The following GABARAPL1 variants were observed in gnomAD, a reference collection of about 807,000 sequenced individuals.
GABARAPL1 encodes gamma-aminobutyric acid receptor-associated protein-like 1.
A neutral mutation model predicts 14.5 loss-of-function variants in GABARAPL1; 4 were observed. The ratio of observed to expected loss-of-function variants is 0.28; its 90% CI spans 0.14 to 0.63. The LOEUF (loss-of-function observed/expected upper bound fraction) is 0.63. Ranked by LOEUF, GABARAPL1 falls within the 30% of genes least tolerant of loss-of-function variation. GABARAPL1 has a pLI of 0.84. For synonymous variants in GABARAPL1, 47 were observed against 50.6 expected, an observed-to-expected ratio of 0.93 and a Z score of 0.30; for missense variants, 82 against 139.2, an observed-to-expected ratio of 0.59 and a Z score of 2.07.
intron 1 of GABARAPL1, among the ~76,000 whole-genome samples, chr12:10,217,655 T>G (rs925031033): frequency 2.0e-5 from 3 of 152,070 alleles, no homozygotes; most frequent in Non-Finnish European, 4.4e-5. Flanking sequence ...ATTGCTTGAA[T>G]CCGGGAGGTG....
At chr12:10,217,830 T>C (rs1949098847) in intron 1 of GABARAPL1, among the ~76,000 whole-genome samples, 1 of 152,196 alleles carries the variant, frequency 6.6e-6, no homozygotes, top group Non-Finnish European at 1.5e-5. Context: ...CTTTTTACTT[T>C]TCATCATATA....
At chr12:10,220,971 G>C in intron 3 of GABARAPL1, 6 of 1,250,310 alleles carry the variant, frequency 4.8e-6, no homozygotes, top group Non-Finnish European at 6.0e-6. Flanking sequence ...GCAACAGATT[G>C]AGAAAGCACG....
At position 10,222,026 on chromosome 12, in the gene GABARAPL1, T is replaced by C. The variant is rs1949122671; in HGVS notation, c.*174T>C. ...ACATTTTCACATGCTCAATTGATAT[T>C]TTTTGCTGCTTCCTCGGCCCAGGGA... On this transcript the variant is annotated 3_prime_UTR_variant, in exon 4 of 4. Transcript: ENST00000266458. 2 of 626,566 alleles carry C rather than the reference T, an allele frequency of 3.2e-6. No individual in the cohort carries two copies. 38.8% of individuals were successfully genotyped at this position (626,566 alleles called of 1,614,324 possible).
rs1433629816 is a variant in GABARAPL1 at position 10,221,867 on chromosome 12, A to G, written c.*15A>G. 6.2e-7 allele frequency: 1 copy of G among 1,612,868 alleles called. No homozygotes were observed. Among genetic ancestry groups the G allele is most frequent in the South Asian group, 1.1e-5 (1 of 91,068 alleles). On this transcript the variant is annotated 3_prime_UTR_variant, in exon 4 of 4. Transcript: ENST00000266458. ...ATGGGAAATGAGTGGTTGGAAGCCC[A>G]GCAGATGGGAGCACCTGGACTTGGG...
intron 3 of GABARAPL1, 21 bp downstream of exon 3, chr12:10,220,579 A>G (rs753887010): frequency 5.0e-6 from 8 of 1,614,022 alleles, no homozygotes; most frequent in South Asian, 1.1e-5. Context: ...TGGTTGCACA[A>G]TACTGGATGC....
chr12:10,213,331 C>G (rs1464780089), intron 1 of GABARAPL1, 112 bp downstream of exon 1: 9 of 726,466 alleles, frequency 1.2e-5, no homozygotes, highest in Admixed American at 6.0e-5. Flanking sequence ...AGGGAGGTTC[C>G]GAGAATTACT....
At chr12:10,220,786 A>G (rs768480087) in intron 3 of GABARAPL1, 22 of 1,470,902 alleles carry the variant, frequency 1.5e-5, no homozygotes, top group Admixed American at 1.1e-4. Context: ...TTGTCTGACT[A>G]TAGTCTTGTC....
intron 1 of GABARAPL1, among the ~76,000 whole-genome samples, chr12:10,215,575 C>A (rs1329014102): frequency 6.6e-6 from 1 of 152,032 alleles, no homozygotes; most frequent in Non-Finnish European, 1.5e-5. Flanking sequence ...ACTGGGAAAC[C>A]AATATTTTAA....
Position 10,222,703 on chromosome 12 carries a change from C to A in GABARAPL1, c.*851C>A, listed in dbSNP as rs7248. On this transcript the variant is annotated 3_prime_UTR_variant, in exon 4 of 4. Coordinates refer to ENST00000266458, the MANE Select transcript of GABARAPL1 (RefSeq NM_031412.4). ...CTCTAGTATTTTCCATGTATCAGGA[C>A]AGAGGTGTCTTATGTAGGGAGGGGG... is the stretch of plus-strand genomic sequence containing the variant. 0.61 allele frequency: 92,068 copies of A among 151,942 alleles called. 33,094 individuals are homozygous for A. The highest frequency in any genetic ancestry group is 0.82 in the Non-Finnish European group (55,774 of 67,990). 9.4% of individuals were successfully genotyped at this position (151,942 alleles called of 1,614,324 possible).
chr12:10,217,860 A>G (rs771831787), intron 1 of GABARAPL1, among the ~76,000 whole-genome samples: 1 of 152,124 alleles, frequency 6.6e-6, no homozygotes, highest in Non-Finnish European at 1.5e-5. Context: ...GTTTATTTTT[A>G]TTTTAGTAAT....
chr12:10,213,242 G>T, intron 1 of GABARAPL1, 23 bp downstream of exon 1: 1 of 1,165,930 alleles, frequency 8.6e-7, no homozygotes, highest in Non-Finnish European at 1.2e-6. Context: ...GAGCGGAGGG[G>T]ATGGGAGGGG....
intron 1 of GABARAPL1, among the ~76,000 whole-genome samples, chr12:10,216,510 C>T: frequency 1.4e-5 from 2 of 141,766 alleles, no homozygotes; most frequent in Non-Finnish European, 1.5e-5. Flanking sequence ...CCCATATGTT[C>T]TAACTAAAAT....
At chr12:10,219,803 GA>G (rs60627597) in intron 2 of GABARAPL1, among the ~76,000 whole-genome samples, 8,601 of 144,498 alleles carry the variant, frequency 0.06, 787 homozygotes, top group African/African-American at 0.2. Flanking sequence ...CTCTGTCTCG[GA>G]AAAAAAAAAA....
chr12:10,219,676 T>C (rs1410561462), intron 2 of GABARAPL1, among the ~76,000 whole-genome samples: 1 of 152,152 alleles, frequency 6.6e-6, no homozygotes, highest in Non-Finnish European at 1.5e-5. Flanking sequence ...GGCGCGTGCC[T>C]GTAATCCCAG....
intron 1 of GABARAPL1, among the ~76,000 whole-genome samples, chr12:10,216,478 C>T (rs1410824132): frequency 6.8e-6 from 1 of 147,650 alleles, no homozygotes; most frequent in Non-Finnish European, 1.5e-5. Context: ...TTTTCTGCGT[C>T]TTCACTTTTT....
intron 2 of GABARAPL1, among the ~76,000 whole-genome samples, chr12:10,219,479 G>C (rs1949108826): frequency 6.6e-6 from 1 of 152,062 alleles, no homozygotes; most frequent in African/African-American, 2.4e-5. Context: ...TTTAAACTAA[G>C]TTTTGTAGAT....
At chr12:10,216,428 A>G (rs1349322506) in intron 1 of GABARAPL1, among the ~76,000 whole-genome samples, 1 of 151,620 alleles carries the variant, frequency 6.6e-6, no homozygotes, top group Non-Finnish European at 1.5e-5. Flanking sequence ...GACCTGTTGA[A>G]GATCACACAG....
In GABARAPL1 at chr12:10,212,940, T is replaced by A; in HGVS notation, c.-190T>A. 1.7e-6 allele frequency: 1 copy of A among 575,522 alleles called. No individual in the cohort carries two copies. Among genetic ancestry groups the A allele is most frequent in the Non-Finnish European group, 3.1e-6 (1 of 318,302 alleles). 35.7% of individuals were successfully genotyped at this position (575,522 alleles called of 1,614,324 possible). On this transcript the variant is annotated 5_prime_UTR_variant, in exon 1 of 4. Coordinates refer to ENST00000266458, the MANE Select transcript of GABARAPL1 (RefSeq NM_031412.4). The stretch of plus-strand genomic sequence containing the variant: ...TTTCTCCATCTGGCTCTCCTCTACC[T>A]CCAGGCAGGCTCACCCGAGATCCCC...
In GABARAPL1 at chr12:10,212,995, A is replaced by C; in HGVS notation, c.-135A>C. ...CGAACCCCCCCTGCACACTCGGCCC[A>C]GCGCTGTTGCCCCCGGAGCGGACGT... On this transcript the variant is annotated 5_prime_UTR_variant, in exon 1 of 4. Transcript: ENST00000266458. 1.4e-4 allele frequency: 71 copies of C among 491,958 alleles called. No individual in the cohort carries two copies. Among genetic ancestry groups the C allele is most frequent in the Middle Eastern group, 8.2e-4 (2 of 2,450 alleles). 30.5% of individuals were successfully genotyped at this position (491,958 alleles called of 1,614,324 possible).
Sources: gnomAD v4.1 joint callset for allele counts (sites outside exome capture counted in the v4.1 genomes callset) on GRCh38, gnomAD v4.1.1 for gene constraint, MANE v1.5 for transcripts, NCBI Gene and HGNC (gene_info 2026-07-23, HGNC 2026-07-21) for gene names.